PLCXD3: variants seen among roughly 807,000 people sequenced by gnomAD.
PLCXD3 encodes PI-PLC X domain-containing protein 3.
Under a neutral mutation model 25.5 loss-of-function variants are expected in PLCXD3, and 19 were observed. That is an observed-to-expected ratio of 0.75 (90% CI 0.52 to 1.09). The LOEUF is 1.09. Ranked by LOEUF, PLCXD3 falls within the 50% of genes least tolerant of loss-of-function variation. PLCXD3 has a pLI of 0.00. For synonymous variants in PLCXD3, 174 were observed against 137.6 expected (o/e 1.26, Z -1.85); for missense variants, 411 against 388.1 (o/e 1.06, Z -0.50).
At chr5:41,479,657 AT>A (rs1430590564) in intron 1 of PLCXD3, among the ~76,000 whole-genome samples, 1 of 152,112 alleles carries the variant, frequency 6.6e-6, no homozygotes, top group Non-Finnish European at 1.5e-5. Flanking sequence ...GCTAATAATA[AT>A]TTTGCATTAT....
chr5:41,354,553 T>G (rs1170074035), intron 2 of PLCXD3, among the ~76,000 whole-genome samples: 3 of 152,148 alleles, frequency 2.0e-5, no homozygotes, highest in Non-Finnish European at 2.9e-5. Context: ...TGACCACACC[T>G]CAGTTTAGCC....
At chr5:41,482,636 C>A (rs1748437713) in intron 1 of PLCXD3, among the ~76,000 whole-genome samples, 1 of 152,130 alleles carries the variant, frequency 6.6e-6, no homozygotes, top group Non-Finnish European at 1.5e-5. Flanking sequence ...TAGCTGGAAG[C>A]AAAGTTAAAG....
rs1746251131 is a variant in PLCXD3 at position 41,403,401 on chromosome 5, G to GTTTTGTTTTTGTTTTTGTT, written c.104-20868_104-20867insAACAAAAACAAAAACAAAA. On this transcript the variant is annotated intron_variant, in intron 1 of 2. Transcript: ENST00000377801. ...ATTTACCCAGATTGACTTATTTGTT[G>GTTTTGTTTTTGTTTTTGTT]TTTTTTTTTTTTTTTATTATACTCT... 1.1e-4 allele frequency among the ~76,000 whole-genome samples: 2 copies of GTTTTGTTTTTGTTTTTGTT among 18,412 alleles called. 1 individual carries two copies. Among genetic ancestry groups the GTTTTGTTTTTGTTTTTGTT allele is most frequent in the African/African-American group, 3.7e-4 (2 of 5,452 alleles). 12.1% of individuals were successfully genotyped at this position (18,412 alleles called of 152,430 possible). A position where few individuals can be genotyped will look rare whatever the true frequency, so the allele number is the denominator to read the frequency against.
chr5:41,460,328 T>G (rs318083), intron 1 of PLCXD3, among the ~76,000 whole-genome samples: 130,725 of 151,928 alleles, frequency 0.86, 56,619 homozygotes, highest in Middle Eastern at 0.9. Context: ...TCACAGCATG[T>G]ATAAACAGAG....
chr5:41,492,995 G>A (rs1487528591), intron 1 of PLCXD3, among the ~76,000 whole-genome samples: 1 of 152,242 alleles, frequency 6.6e-6, no homozygotes, highest in Non-Finnish European at 1.5e-5. Context: ...CTTTGGAGGA[G>A]GAGAGGCGCT....
At chr5:41,488,755 T>C (rs1490992153) in intron 1 of PLCXD3, among the ~76,000 whole-genome samples, 16 of 147,038 alleles carry the variant, frequency 1.1e-4, no homozygotes, top group African/African-American at 2.3e-4. Flanking sequence ...TCATGTCCTT[T>C]GCCCACTTTT....
intron 1 of PLCXD3, among the ~76,000 whole-genome samples, chr5:41,385,153 A>G (rs2150493977): frequency 6.6e-6 from 1 of 152,204 alleles, no homozygotes; most frequent in East Asian, 1.9e-4. Flanking sequence ...GGACTTCATA[A>G]CCATTCAATA....
At chr5:41,488,085 C>A (rs1326316996) in intron 1 of PLCXD3, among the ~76,000 whole-genome samples, 27 of 130,830 alleles carry the variant, frequency 2.1e-4, no homozygotes, top group Non-Finnish European at 3.4e-4. Flanking sequence ...TCCCCCCACG[C>A]CACAACAGTC....
At chr5:41,446,715 G>GT (rs1747513451) in intron 1 of PLCXD3, among the ~76,000 whole-genome samples, 2 of 152,204 alleles carry the variant, frequency 1.3e-5, no homozygotes, top group South Asian at 4.2e-4. Flanking sequence ...TCATAGAACA[G>GT]TTTTTTCTGC....
intron 1 of PLCXD3, among the ~76,000 whole-genome samples, chr5:41,454,920 C>T (rs972160800): frequency 6.6e-6 from 1 of 151,842 alleles, no homozygotes; most frequent in Non-Finnish European, 1.5e-5. Context: ...AGGAAACTTA[C>T]AATCATAGTG....
intron 1 of PLCXD3, among the ~76,000 whole-genome samples, chr5:41,494,699 T>A (rs1234267415): frequency 1.3e-5 from 2 of 152,046 alleles, no homozygotes; most frequent in African/African-American, 2.4e-5. Context: ...GAGGATAGAG[T>A]CCAGCAAAGA....
At chr5:41,484,775 A>G (rs918242703) in intron 1 of PLCXD3, among the ~76,000 whole-genome samples, 1 of 152,186 alleles carries the variant, frequency 6.6e-6, no homozygotes. Context: ...AATAAATTCC[A>G]TCTACTGTCA....
At chr5:41,327,899 G>A (rs116253702) in intron 2 of PLCXD3, among the ~76,000 whole-genome samples, 2 of 152,058 alleles carry the variant, frequency 1.3e-5, no homozygotes, top group East Asian at 1.9e-4. Flanking sequence ...TCGAACTCCC[G>A]GACTCAAGCG....
At chr5:41,336,824 T>A (rs1378371224) in intron 2 of PLCXD3, among the ~76,000 whole-genome samples, 2 of 152,162 alleles carry the variant, frequency 1.3e-5, no homozygotes, top group Non-Finnish European at 2.9e-5. Flanking sequence ...ACAGTCCAAT[T>A]TCTTCCTCTA....
chr5:41,327,757 T>C (rs1191164977), intron 2 of PLCXD3, among the ~76,000 whole-genome samples: 1 of 152,222 alleles, frequency 6.6e-6, no homozygotes, highest in African/African-American at 2.4e-5. Context: ...GTTACTGTGA[T>C]GTTAAAAATG....
chr5:41,509,476 A>T (rs7730181), intron 1 of PLCXD3, among the ~76,000 whole-genome samples: 1,888 of 152,178 alleles, frequency 0.012, 34 homozygotes, highest in African/African-American at 0.043. Context: ...AGGAGCTGCC[A>T]CCCTAGAAAC....
intron 1 of PLCXD3, among the ~76,000 whole-genome samples, chr5:41,398,879 T>G (rs1746091264): frequency 6.6e-6 from 1 of 152,114 alleles, no homozygotes; most frequent in Non-Finnish European, 1.5e-5. Context: ...AGAGAAAGAC[T>G]TAAAGAGCAT....
At chr5:41,415,991 A>G (rs1035591736) in intron 1 of PLCXD3, among the ~76,000 whole-genome samples, 6 of 152,198 alleles carry the variant, frequency 3.9e-5, no homozygotes, top group African/African-American at 1.4e-4. Context: ...GTGTTACCAG[A>G]AACTGGAAGG....
At chr5:41,351,387 T>C (rs538125933) in intron 2 of PLCXD3, among the ~76,000 whole-genome samples, 1 of 152,306 alleles carries the variant, frequency 6.6e-6, no homozygotes, top group Admixed American at 6.5e-5. Context: ...TCCATCATTG[T>C]ATTCCCAGAC....
Sources: allele counts gnomAD v4.1 joint callset (sites outside exome capture counted in the v4.1 genomes callset), GRCh38; gene constraint gnomAD v4.1.1; transcripts MANE v1.5; gene names NCBI Gene and HGNC (gene_info 2026-07-23, HGNC 2026-07-21).